The following TOPAZ1 variants were observed in gnomAD, a reference collection of about 807,000 sequenced individuals.
The protein encoded by TOPAZ1 is protein TOPAZ1.
A neutral mutation model predicts 172.2 loss-of-function variants in TOPAZ1; 66 were observed. The observed-to-expected ratio is 0.38, with a 90% CI of 0.31 to 0.47. The LOEUF is 0.47. TOPAZ1 is among the 20% of genes least tolerant of loss of function. TOPAZ1 has a pLI of 0.99. For missense variants in TOPAZ1, 1,822 were observed against 1,972.4 expected, an observed-to-expected ratio of 0.92 and a Z score of 1.44; for synonymous variants, 681 against 683.9, an observed-to-expected ratio of 1.00 and a Z score of 0.07.
At chr3:44,291,037 C>T (rs1431488942) in intron 12 of TOPAZ1, among the ~76,000 whole-genome samples, 151 bp downstream of exon 12, 1 of 152,044 alleles carries the variant, frequency 6.6e-6, no homozygotes, top group Admixed American at 6.5e-5. Flanking sequence ...TGGCTGTGCC[C>T]TACTTTAGTC....
chr3:44,328,934 A>T (rs1429965120), intron 19 of TOPAZ1, among the ~76,000 whole-genome samples: 2 of 152,172 alleles, frequency 1.3e-5, no homozygotes, highest in Non-Finnish European at 2.9e-5. Context: ...CCTTTCACGT[A>T]ATTTTGTTTA....
intron 16 of TOPAZ1, among the ~76,000 whole-genome samples, chr3:44,311,431 C>T (rs1406752455): frequency 1.3e-5 from 2 of 152,140 alleles, no homozygotes; most frequent in African/African-American, 4.8e-5. Context: ...CTTGGGTCAC[C>T]TTACGATAGG....
At chr3:44,285,244 C>T (rs1409133985) in intron 9 of TOPAZ1, among the ~76,000 whole-genome samples, 1 of 152,088 alleles carries the variant, frequency 6.6e-6, no homozygotes, top group Non-Finnish European at 1.5e-5. Context: ...GGGTGGATTG[C>T]TTGAGCCCAG....
chr3:44,260,869 T>C (rs1308372131), intron 4 of TOPAZ1, among the ~76,000 whole-genome samples: 4 of 152,166 alleles, frequency 2.6e-5, no homozygotes, highest in Non-Finnish European at 5.9e-5. Flanking sequence ...ACACTTATTT[T>C]CCATCCAATT....
Position 44,244,140 on chromosome 3 carries a change from A to T in TOPAZ1, c.1634A>T (p.Lys545Ile), listed in dbSNP as rs1485996347. ...AACCAGACCCATTTAACTGACTCCA[A>T]ATTATTATTACAAAGTTCCTTAACA... is the stretch of plus-strand genomic sequence containing the variant. Reference protein sequence around the residue: ...QTNQTHLTDSKLLLQSSLTET... With the variant: ...QTNQTHLTDSILLLQSSLTET... Residue 545 changes from lysine (K) to isoleucine (I), a missense_variant, in exon 2 of 20, where the codon AAA becomes ATA. Physicochemically the swap from Lys to Ile is moderately radical, Grantham distance 102 (BLOSUM62 -3). This residue lies in a region of TOPAZ1 where 1,489 missense variants were observed against 1,490.8 expected (regional missense o/e 1.00). Transcript: ENST00000309765. 6.4e-7 allele frequency: 1 copy of T among 1,551,550 alleles called. No homozygotes were observed. The highest frequency in any genetic ancestry group is 1.4e-5 in the African/African-American group (1 of 73,172).
chr3:44,275,890 A>C (rs1286623576), intron 8 of TOPAZ1, among the ~76,000 whole-genome samples: 2 of 151,762 alleles, frequency 1.3e-5, no homozygotes, highest in African/African-American at 4.9e-5. Context: ...AGTGATAGGC[A>C]CTCTAACTGG....
At chr3:44,254,620 T>G (rs1279139475) in intron 2 of TOPAZ1, among the ~76,000 whole-genome samples, 1 of 74,948 alleles carries the variant, frequency 1.3e-5, no homozygotes, top group Non-Finnish European at 2.4e-5. Context: ...AGAGCGAAAC[T>G]CCGTCTCAAA....
At chr3:44,274,619 A>G (rs1169590707) in intron 8 of TOPAZ1, among the ~76,000 whole-genome samples, 1 of 151,574 alleles carries the variant, frequency 6.6e-6, no homozygotes, top group Non-Finnish European at 1.5e-5. Flanking sequence ...CAATGGCACA[A>G]TCTCAGCTCA....
At chr3:44,331,466 C>T (rs1205451185) in intron 19 of TOPAZ1, among the ~76,000 whole-genome samples, 5 of 152,144 alleles carry the variant, frequency 3.3e-5, no homozygotes, top group African/African-American at 1.2e-4. Context: ...GCTGGGACTA[C>T]AGGCGCACAT....
At chr3:44,277,493 T>A (rs1699973383) in intron 8 of TOPAZ1, among the ~76,000 whole-genome samples, 1 of 152,234 alleles carries the variant, frequency 6.6e-6, no homozygotes, top group African/African-American at 2.4e-5. Flanking sequence ...TTCTCTTGCC[T>A]GCTTGCTCTG....
intron 2 of TOPAZ1, among the ~76,000 whole-genome samples, chr3:44,246,715 T>C (rs1389940631): frequency 6.6e-6 from 1 of 152,222 alleles, no homozygotes; most frequent in East Asian, 1.9e-4. Context: ...GTCTTTGTAG[T>C]CTGACCTTGG....
chr3:44,298,905 ATATATTTTTTTT>A (rs1427417027), intron 12 of TOPAZ1, among the ~76,000 whole-genome samples: 1 of 12,694 alleles, frequency 7.9e-5, no homozygotes, highest in Non-Finnish European at 1.3e-4. Context: ...ATATATATAT[ATATATTTTTTTT>A]TTTTTTTTTT....
intron 2 of TOPAZ1, among the ~76,000 whole-genome samples, chr3:44,252,957 G>A (rs763625442): frequency 1.3e-5 from 2 of 152,166 alleles, no homozygotes; most frequent in African/African-American, 2.4e-5. Flanking sequence ...GATGTTAAAC[G>A]CCTCCTGGTG....
At position 44,244,225 on chromosome 3, in the gene TOPAZ1, T is replaced by A. The variant is rs1317083387; in HGVS notation, c.1719T>A (p.Ser573=). The A allele has an allele frequency of 6.5e-7, 1 of 1,549,586 alleles. No homozygotes were observed. Among genetic ancestry groups the A allele is most frequent in the Non-Finnish European group, 8.7e-7 (1 of 1,146,002 alleles). Residue 573 remains serine, a synonymous_variant, in exon 2 of 20, where the codon TCT becomes TCA. Transcript: ENST00000309765. ...TAGATTCTAATTCTAATTGTTTGTC[T>A]TCAGTTTCTGCAGTAGAACCTACTT... is the stretch of plus-strand genomic sequence containing the variant. ...EKLDSNSNCL[S]SVSAVEPTLM... is the part of the protein sequence containing the mutation.
intron 9 of TOPAZ1, among the ~76,000 whole-genome samples, chr3:44,284,275 T>G (rs1700055150): frequency 6.6e-6 from 1 of 152,204 alleles, no homozygotes; most frequent in African/African-American, 2.4e-5. Flanking sequence ...AACTCCTCAT[T>G]ACCCTCATTC....
chr3:44,300,174 T>A (rs1474508384), intron 12 of TOPAZ1, among the ~76,000 whole-genome samples: 2 of 151,902 alleles, frequency 1.3e-5, no homozygotes, highest in Non-Finnish European at 2.9e-5. Flanking sequence ...GGCTTACATC[T>A]GTAATCCCAG....
intron 13 of TOPAZ1, 93 bp downstream of exon 13, chr3:44,304,174 GT>G: frequency 2.8e-6 from 2 of 712,950 alleles, no homozygotes; most frequent in Non-Finnish European, 4.5e-6. Flanking sequence ...TTTATGAAAA[GT>G]TTTAGAAATG....
At chr3:44,277,172 C>G (rs1699969928) in intron 8 of TOPAZ1, among the ~76,000 whole-genome samples, 1 of 152,008 alleles carries the variant, frequency 6.6e-6, no homozygotes, top group African/African-American at 2.4e-5. Flanking sequence ...CCTCTTCAGT[C>G]TCTTTCATCA....
intron 9 of TOPAZ1, 89 bp downstream of exon 9, chr3:44,282,120 A>G (rs1459067468): frequency 1.8e-5 from 15 of 849,608 alleles, no homozygotes; most frequent in Non-Finnish European, 2.7e-5. Context: ...GTAAGTTTGA[A>G]AACTGAATGC....
Sources: allele counts gnomAD v4.1 joint callset (sites outside exome capture counted in the v4.1 genomes callset), GRCh38; gene constraint gnomAD v4.1.1; regional missense constraint gnomAD v4.1.1; transcripts MANE v1.5; gene names NCBI Gene and HGNC (gene_info 2026-07-23, HGNC 2026-07-21).